Variants in NCKAP5 observed in about 807,000 individuals in gnomAD.
NCKAP5 encodes the protein nck-associated protein 5.
NCKAP5 carries 92 observed loss-of-function variants against 167.0 expected under a neutral mutation model. The observed-to-expected ratio is 0.55, with a 90% CI of 0.47 to 0.66. NCKAP5 has a LOEUF of 0.66. Ranked by LOEUF, NCKAP5 falls within the 30% of genes least tolerant of loss-of-function variation. The probability of loss-of-function intolerance (pLI) is 0.00; values close to 1 mark genes in which losing one functional copy is unlikely to be tolerated. For missense variants in NCKAP5, 2,378 were observed against 2,315.0 expected (o/e 1.03, Z -0.56); for synonymous variants, 891 against 877.4 (o/e 1.02, Z -0.27).
chr2:132,790,824 A>C (rs146472152), intron 12 of NCKAP5, among the ~76,000 whole-genome samples: 2,003 of 152,348 alleles, frequency 0.013, 18 homozygotes, highest in Non-Finnish European at 0.019. Flanking sequence ...ACATCACAGC[A>C]TCTGGCCTCT....
At chr2:133,230,378 G>T (rs2150245411) in intron 4 of NCKAP5, among the ~76,000 whole-genome samples, 1 of 152,282 alleles carries the variant, frequency 6.6e-6, no homozygotes, top group South Asian at 2.1e-4. Flanking sequence ...GGCATTAAAT[G>T]AGTTATTTTT....
At chr2:132,860,642 T>C (rs930847274) in intron 10 of NCKAP5, 31 bp from the exon 11 acceptor site, 5 of 1,550,992 alleles carry the variant, frequency 3.2e-6, no homozygotes, top group Middle Eastern at 1.7e-4. Flanking sequence ...GAGGAAAAAG[T>C]CCATAACTGA....
the NCKAP5 span, among the ~76,000 whole-genome samples, chr2:133,622,597 C>T: frequency 2.0e-5 from 3 of 151,926 alleles, no homozygotes; most frequent in African/African-American, 7.3e-5. Context: ...ATATACTTAA[C>T]CAAGGATGTG....
At chr2:132,757,386 A>AAT (rs1224634641) in intron 16 of NCKAP5, among the ~76,000 whole-genome samples, 1 of 152,216 alleles carries the variant, frequency 6.6e-6, no homozygotes, top group African/African-American at 2.4e-5. Flanking sequence ...GACTCATTAA[A>AAT]AAGTACCCAG....
chr2:133,427,847 T>C (rs551972613), intron 3 of NCKAP5, among the ~76,000 whole-genome samples: 1 of 152,120 alleles, frequency 6.6e-6, no homozygotes, highest in Admixed American at 6.6e-5. Context: ...TTATACTATA[T>C]AGTAACAGAA....
At position 132,796,637 on chromosome 2, in the gene NCKAP5, A is replaced by G; in HGVS notation, c.900T>C (p.Ala300=). Residue 300 remains alanine, a synonymous_variant, in exon 12 of 20, where the codon GCT becomes GCC. Transcript: ENST00000409261. ...CAACTGGGAAACTCACGTGCACCTC[A>G]GCATCAGTTCGTGACTGTGTCAGAC... ...NRSLTQSRTD[A]EVHEHQLNTK... 6.2e-7 allele frequency: 1 copy of G among 1,611,390 alleles called. No homozygotes were observed. Among genetic ancestry groups the G allele is most frequent in the Non-Finnish European group, 8.5e-7 (1 of 1,178,218 alleles).
intron 6 of NCKAP5, among the ~76,000 whole-genome samples, chr2:133,031,362 C>T (rs761009050): frequency 5.3e-5 from 8 of 152,094 alleles, no homozygotes; most frequent in African/African-American, 7.2e-5. Flanking sequence ...AAAGGAAAAC[C>T]GGACCAAACT....
intron 4 of NCKAP5, among the ~76,000 whole-genome samples, chr2:133,221,897 T>G (rs10201791): frequency 6.6e-6 from 1 of 152,208 alleles, no homozygotes; most frequent in Non-Finnish European, 1.5e-5. Flanking sequence ...TAGACTTTTG[T>G]TCAGCACCAT....
the NCKAP5 span, among the ~76,000 whole-genome samples, chr2:133,605,858 A>G: frequency 1.2e-4 from 18 of 152,178 alleles, no homozygotes; most frequent in Non-Finnish European, 2.4e-4. Flanking sequence ...AGCTGCAATG[A>G]CCTGGGTAAA....
chr2:132,874,350 C>T (rs1032950246), intron 9 of NCKAP5, among the ~76,000 whole-genome samples: 2 of 152,014 alleles, frequency 1.3e-5, no homozygotes, highest in African/African-American at 4.8e-5. Context: ...CCTTGTGATC[C>T]ACCCGCCTTG....
chr2:133,126,097 A>G (rs563325884), intron 6 of NCKAP5, among the ~76,000 whole-genome samples: 80 of 152,350 alleles, frequency 5.3e-4, no homozygotes, highest in African/African-American at 1.9e-3. Flanking sequence ...GAAACTGCAT[A>G]AAATTAAGCC....
chr2:133,069,441 A>G (rs2080312322), intron 6 of NCKAP5, among the ~76,000 whole-genome samples: 1 of 152,204 alleles, frequency 6.6e-6, no homozygotes. Context: ...GGCAATTTAC[A>G]TGTTCCGGAC....
chr2:133,561,476 C>T (rs546291860), intron 1 of NCKAP5, among the ~76,000 whole-genome samples: 1 of 152,256 alleles, frequency 6.6e-6, no homozygotes, highest in South Asian at 2.1e-4. Context: ...ATTTGCTTTC[C>T]TCTGATGAAG....
At chr2:133,539,243 C>A (rs1238329619) in intron 2 of NCKAP5, among the ~76,000 whole-genome samples, 1 of 151,778 alleles carries the variant, frequency 6.6e-6, no homozygotes, top group Non-Finnish European at 1.5e-5. Context: ...CCTGGCCCCC[C>A]AGTTTTATAT....
At chr2:132,711,331 C>T (rs1020112843) in intron 19 of NCKAP5, among the ~76,000 whole-genome samples, 12 of 152,156 alleles carry the variant, frequency 7.9e-5, no homozygotes, top group African/African-American at 2.9e-4. Flanking sequence ...CTGAGCCTTT[C>T]TTGGGAAATT....
chr2:133,186,285 T>C (rs2084942629), intron 5 of NCKAP5, among the ~76,000 whole-genome samples: 1 of 152,176 alleles, frequency 6.6e-6, no homozygotes, highest in African/African-American at 2.4e-5. Context: ...TGAACCAACC[T>C]TGCATCTCAG....
At chr2:133,566,072 G>C (rs948809274) in intron 1 of NCKAP5, among the ~76,000 whole-genome samples, 1 of 152,222 alleles carries the variant, frequency 6.6e-6, no homozygotes, top group African/African-American at 2.4e-5. Flanking sequence ...AAGGCCCCCC[G>C]CCCCTAGGTA....
chr2:133,584,106 T>C, the NCKAP5 span, among the ~76,000 whole-genome samples: 1 of 152,364 alleles, frequency 6.6e-6, no homozygotes, highest in African/African-American at 2.4e-5. Flanking sequence ...ATAATAAATA[T>C]GTTACTTTTA....
intron 3 of NCKAP5, among the ~76,000 whole-genome samples, chr2:133,303,898 C>A (rs1289924722): frequency 6.6e-6 from 1 of 152,224 alleles, no homozygotes; most frequent in East Asian, 1.9e-4. Context: ...CTTTGCTAAC[C>A]TGGAGCAAAT....
Sources: allele counts gnomAD v4.1 joint callset (sites outside exome capture counted in the v4.1 genomes callset), GRCh38; gene constraint gnomAD v4.1.1; transcripts MANE v1.5; gene names NCBI Gene and HGNC (gene_info 2026-07-23, HGNC 2026-07-21).